PROK1: variants seen among roughly 807,000 people sequenced by gnomAD.
PROK1 encodes the protein prokineticin 1.
In PROK1, 10 loss-of-function variants were observed where a neutral mutation model predicts 8.8. The ratio of observed to expected loss-of-function variants is 1.13; its 90% confidence interval spans 0.70 to 1.92. PROK1 has a LOEUF of 1.92. Among genes scored for constraint, PROK1 ranks in the 30% most tolerant of loss-of-function variants. The pLI, the probability that PROK1 is intolerant of heterozygous loss-of-function variation, is 0.00. For synonymous variants in PROK1, 57 were observed against 56.0 expected (o/e 1.02, Z -0.08); for missense variants, 140 against 139.7 (o/e 1.00, Z -0.01).
chr1:110,454,043 C>A lies in PROK1; in HGVS notation c.155C>A (p.Pro52Gln). ...CTTCGAGGGCTGCGGATGTGCACCCCGCTGGGGCGGGAAGGCGAGGAGTGC... is the reference window on the plus strand; with the variant it reads ...CTTCGAGGGCTGCGGATGTGCACCCAGCTGGGGCGGGAAGGCGAGGAGTGC... ...LWLRGLRMCT[P>Q]LGREGEECHP... The change falls in exon 2 of 3, where the codon CCG becomes CAG. Residue 52 changes from proline (P) to glutamine (Q), a missense_variant. Physicochemically the swap from Pro to Gln is moderately conservative, Grantham distance 76 (BLOSUM62 -1). Coordinates refer to ENST00000271331, the MANE Select transcript of PROK1 (RefSeq NM_032414.3). 1 of 1,614,060 alleles carries A rather than the reference C, an allele frequency of 6.2e-7. No individual in the cohort carries two copies. Among genetic ancestry groups the A allele is most frequent in the Non-Finnish European group, 8.5e-7 (1 of 1,179,994 alleles).
In PROK1 at chr1:110,456,497, C is replaced by T; in HGVS notation, c.*146C>T. On this transcript the variant is annotated 3_prime_UTR_variant, in exon 3 of 3. Coordinates refer to ENST00000271331, the MANE Select transcript of PROK1 (RefSeq NM_032414.3). Reference sequence around the variant, plus strand: ...CTCTTGTCTAGTACGCACATATGCACACAGGCAGACATACCTCCCATCATG... The same window carrying T: ...CTCTTGTCTAGTACGCACATATGCATACAGGCAGACATACCTCCCATCATG... The T allele has an allele frequency of 1.0e-6, 1 of 968,030 alleles. No individual in the cohort carries two copies. The highest frequency in any genetic ancestry group is 1.6e-6 in the Non-Finnish European group (1 of 625,582). 60.0% of individuals were successfully genotyped at this position (968,030 alleles called of 1,614,324 possible).
In PROK1 at chr1:110,456,493, T is replaced by G. The variant is rs1033484846; in HGVS notation, c.*142T>G. ...ATCTCTCTTGTCTAGTACGCACATA[T>G]GCACACAGGCAGACATACCTCCCAT... On this transcript the variant is annotated 3_prime_UTR_variant, in exon 3 of 3. Coordinates refer to ENST00000271331, the MANE Select transcript of PROK1 (RefSeq NM_032414.3). 1.8e-5 allele frequency: 19 copies of G among 1,037,066 alleles called. No individual in the cohort carries two copies. The South Asian group carries it at 2.4e-4, about 13-fold the overall frequency. The allele number at this position is 1,037,066 out of a possible 1,614,324, so 64.2% of individuals were successfully genotyped here. A position where few individuals can be genotyped will look rare whatever the true frequency, so the allele number is the denominator to read the frequency against.
chr1:110,451,190 AGT>A lies in PROK1; in HGVS notation c.-24_-23del, dbSNP rs1664084168. On this transcript the variant is annotated 5_prime_UTR_variant, in exon 1 of 3. Transcript: ENST00000271331. ...GGAAGCGAGAGGCATCTAAGCAGGCAGTGTTTTGCCTTCACCCCAAGTGACCA... is the reference window on the plus strand; with the variant it reads ...GGAAGCGAGAGGCATCTAAGCAGGCAGTTTTGCCTTCACCCCAAGTGACCA... 6.2e-7 allele frequency: 1 copy of A among 1,611,100 alleles called. No homozygotes were observed. The highest frequency in any genetic ancestry group is 8.5e-7 in the Non-Finnish European group (1 of 1,177,310).
chr1:110,451,187 G>A lies in PROK1; in HGVS notation c.-30G>A, dbSNP rs754212649. On this transcript the variant is annotated 5_prime_UTR_variant, in exon 1 of 3. Transcript: ENST00000271331. ...GGAGGAAGCGAGAGGCATCTAAGCA[G>A]GCAGTGTTTTGCCTTCACCCCAAGT... 11 of 1,610,170 alleles carry A rather than the reference G, an allele frequency of 6.8e-6. No individual in the cohort carries two copies. Among genetic ancestry groups the A allele is most frequent in the Non-Finnish European group, 9.3e-6 (11 of 1,176,524 alleles).
At position 110,456,371 on chromosome 1, in the gene PROK1, A is replaced by T; in HGVS notation, c.*20A>T. The T allele has an allele frequency of 6.2e-7, 1 of 1,613,444 alleles. No homozygotes were observed. Among genetic ancestry groups the T allele is most frequent in the Non-Finnish European group, 8.5e-7 (1 of 1,179,994 alleles). On this transcript the variant is annotated 3_prime_UTR_variant, in exon 3 of 3. Coordinates refer to ENST00000271331, the MANE Select transcript of PROK1 (RefSeq NM_032414.3). ...TTTTAGGCGCTTGCCTGGTCTCAGG[A>T]TACCCACCATCCTTTTCCTGAGCAC...
chr1:110,454,004 C>A lies in PROK1; in HGVS notation c.116C>A (p.Ala39Asp). 6.2e-7 allele frequency: 1 copy of A among 1,614,212 alleles called. No individual in the cohort carries two copies. The highest frequency in any genetic ancestry group is 8.5e-7 in the Non-Finnish European group (1 of 1,180,018). ...CAGTGTGGGGCAGGCACCTGCTGTG[C>A]CATCAGCCTGTGGCTTCGAGGGCTG... ...DVQCGAGTCC[A>D]ISLWLRGLRM... The change falls in exon 2 of 3, where the codon GCC becomes GAC. Residue 39 changes from alanine (A) to aspartate (D), a missense_variant. Coordinates refer to ENST00000271331, the MANE Select transcript of PROK1 (RefSeq NM_032414.3).
chr1:110,451,150 C>G lies in PROK1; in HGVS notation c.-67C>G. 1 of 1,508,996 alleles carries G rather than the reference C, an allele frequency of 6.6e-7. No homozygotes were observed. The highest frequency in any genetic ancestry group is 9.2e-7 in the Non-Finnish European group (1 of 1,084,870). 93.5% of individuals were successfully genotyped at this position (1,508,996 alleles called of 1,614,324 possible). A position where few individuals can be genotyped will look rare whatever the true frequency, so the allele number is the denominator to read the frequency against. On this transcript the variant is annotated 5_prime_UTR_variant, in exon 1 of 3. Transcript: ENST00000271331. Reference sequence around the variant, plus strand: ...CCTGGCCTCCCCAGCTTGCCAGGCACAAGGCTGAGCGGGAGGAAGCGAGAG... The same window carrying G: ...CCTGGCCTCCCCAGCTTGCCAGGCAGAAGGCTGAGCGGGAGGAAGCGAGAG...
In PROK1 at chr1:110,453,996, C is replaced by CT. The variant is rs763604097; in HGVS notation, c.109dup (p.Cys37LeufsTer84). Reference sequence around the variant, plus strand: ...GGGATGTCCAGTGTGGGGCAGGCACCTGCTGTGCCATCAGCCTGTGGCTTC... The same window carrying CT: ...GGGATGTCCAGTGTGGGGCAGGCACCTTGCTGTGCCATCAGCCTGTGGCTTC... On this transcript the variant is annotated frameshift_variant, in exon 2 of 3. Coordinates refer to ENST00000271331, the MANE Select transcript of PROK1 (RefSeq NM_032414.3). LOFTEE classifies it high-confidence loss of function. The CT allele has an allele frequency of 1.2e-6, 2 of 1,614,130 alleles. No individual in the cohort carries two copies. The highest frequency in any genetic ancestry group is 1.7e-6 in the Non-Finnish European group (2 of 1,180,050).
Position 110,451,161 on chromosome 1 carries a change from G to T in PROK1, c.-56G>T, listed in dbSNP as rs765953691. On this transcript the variant is annotated 5_prime_UTR_variant, in exon 1 of 3. Coordinates refer to ENST00000271331, the MANE Select transcript of PROK1 (RefSeq NM_032414.3). Reference sequence around the variant, plus strand: ...CAGCTTGCCAGGCACAAGGCTGAGCGGGAGGAAGCGAGAGGCATCTAAGCA... The same window carrying T: ...CAGCTTGCCAGGCACAAGGCTGAGCTGGAGGAAGCGAGAGGCATCTAAGCA... 125 of 1,544,452 alleles carry T rather than the reference G, an allele frequency of 8.1e-5. No individual in the cohort carries two copies. The highest frequency in any genetic ancestry group is 1.1e-4 in the Non-Finnish European group (118 of 1,117,088).
intron 2 of PROK1, among the ~76,000 whole-genome samples, chr1:110,455,719 T>C (rs1170575457): frequency 6.6e-6 from 1 of 152,204 alleles, no homozygotes; most frequent in Non-Finnish European, 1.5e-5. Flanking sequence ...ATCACACAGC[T>C]GGGAAGCGGT....
intron 2 of PROK1, among the ~76,000 whole-genome samples, chr1:110,455,390 G>A (rs1233504703): frequency 6.6e-6 from 1 of 152,240 alleles, no homozygotes. Context: ...TCCTCCAGCG[G>A]TTTCTCTCCC....
At chr1:110,455,219 C>A (rs1664153157) in intron 2 of PROK1, among the ~76,000 whole-genome samples, 1 of 152,252 alleles carries the variant, frequency 6.6e-6, no homozygotes, top group African/African-American at 2.4e-5. Context: ...CTCCCTGGGC[C>A]TTGCCCCTCT....
chr1:110,456,514 C>G lies in PROK1; in HGVS notation c.*163C>G. The G allele has an allele frequency of 4.6e-6, 4 of 874,960 alleles. No homozygotes were observed. Among genetic ancestry groups the G allele is most frequent in the Non-Finnish European group, 7.3e-6 (4 of 549,704 alleles). The allele number at this position is 874,960 out of a possible 1,614,324, so 54.2% of individuals were successfully genotyped here. A position where few individuals can be genotyped will look rare whatever the true frequency, so the allele number is the denominator to read the frequency against. ...CATATGCACACAGGCAGACATACCT[C>G]CCATCATGACATGGTCCCCAGGCTG... is the stretch of plus-strand genomic sequence containing the variant. On this transcript the variant is annotated 3_prime_UTR_variant, in exon 3 of 3. Coordinates refer to ENST00000271331, the MANE Select transcript of PROK1 (RefSeq NM_032414.3).
Position 110,456,434 on chromosome 1 carries a change from C to T in PROK1, c.*83C>T. The T allele has an allele frequency of 6.4e-7, 1 of 1,557,448 alleles. No homozygotes were observed. The highest frequency in any genetic ancestry group is 2.2e-5 in the East Asian group (1 of 44,528). On this transcript the variant is annotated 3_prime_UTR_variant, in exon 3 of 3. Coordinates refer to ENST00000271331, the MANE Select transcript of PROK1 (RefSeq NM_032414.3). ...TATTTCTGCCATGAAACCCAGCTCCCATGACTCTCCCAGTCCCTACACTGA... is the reference window on the plus strand; with the variant it reads ...TATTTCTGCCATGAAACCCAGCTCCTATGACTCTCCCAGTCCCTACACTGA...
At chr1:110,454,659 G>T (rs957778417) in intron 2 of PROK1, among the ~76,000 whole-genome samples, 1 of 152,180 alleles carries the variant, frequency 6.6e-6, no homozygotes, top group African/African-American at 2.4e-5. Flanking sequence ...GATCTTATAG[G>T]CTGTTAAACA....
chr1:110,451,848 T>G (rs897950228), intron 1 of PROK1, among the ~76,000 whole-genome samples: 3 of 152,176 alleles, frequency 2.0e-5, no homozygotes, highest in African/African-American at 7.2e-5. Flanking sequence ...GAGAGGAATA[T>G]GGGTGCCACT....
intron 2 of PROK1, among the ~76,000 whole-genome samples, chr1:110,455,578 T>C (rs1320322460): frequency 6.6e-6 from 1 of 152,262 alleles, no homozygotes; most frequent in Admixed American, 6.5e-5. Context: ...GTGCTTCCTG[T>C]ATGCCACCCT....
At position 110,456,413 on chromosome 1, in the gene PROK1, T is replaced by A; in HGVS notation, c.*62T>A. Reference sequence around the variant, plus strand: ...CCTGAGCACAGCCTGGATTTTTATTTCTGCCATGAAACCCAGCTCCCATGA... The same window carrying A: ...CCTGAGCACAGCCTGGATTTTTATTACTGCCATGAAACCCAGCTCCCATGA... On this transcript the variant is annotated 3_prime_UTR_variant, in exon 3 of 3. Coordinates refer to ENST00000271331, the MANE Select transcript of PROK1 (RefSeq NM_032414.3). 4 of 1,606,244 alleles carry A rather than the reference T, an allele frequency of 2.5e-6. No homozygotes were observed. The South Asian group carries it at 4.4e-5, about 18-fold the overall frequency.
chr1:110,456,214 G>T lies in PROK1; in HGVS notation c.199-18G>T. Reference sequence around the variant, plus strand: ...CCTACCTCCCTTTGGTGAAGGTGTTGATTTCTTCTCTCCTTAGGTCCCCTT... The same window carrying T: ...CCTACCTCCCTTTGGTGAAGGTGTTTATTTCTTCTCTCCTTAGGTCCCCTT... On this transcript the variant is annotated intron_variant, in intron 2 of 2. Transcript: ENST00000271331. 6.2e-7 allele frequency: 1 copy of T among 1,609,886 alleles called. No individual in the cohort carries two copies. The highest frequency in any genetic ancestry group is 2.2e-5 in the East Asian group (1 of 44,878).
Sources: gnomAD v4.1 joint callset for allele counts (sites outside exome capture counted in the v4.1 genomes callset) on GRCh38, gnomAD v4.1.1 for gene constraint, MANE v1.5 for transcripts, NCBI Gene and HGNC (gene_info 2026-07-23, HGNC 2026-07-21) for gene names.